Variants in FAM83B observed in about 807,000 individuals in gnomAD.
The protein encoded by FAM83B is protein FAM83B.
FAM83B carries 26 observed loss-of-function variants against 38.8 expected under a neutral mutation model. That is an observed-to-expected ratio of 0.67 (90% CI 0.49 to 0.93). FAM83B has a LOEUF of 0.93. Among genes scored for constraint, FAM83B ranks in the 40% least tolerant of loss-of-function variants. The pLI is 0.00. For synonymous variants in FAM83B, 419 were observed against 423.1 expected, an observed-to-expected ratio of 0.99 and a Z score of 0.12; for missense variants, 1,237 against 1,197.3, an observed-to-expected ratio of 1.03 and a Z score of -0.49.
At chr6:54,919,423 A>C (rs1445153594) in intron 2 of FAM83B, among the ~76,000 whole-genome samples, 2 of 152,048 alleles carry the variant, frequency 1.3e-5, no homozygotes, top group Non-Finnish European at 2.9e-5. Flanking sequence ...TCATTTTATA[A>C]ATTAATTTTG....
chr6:54,873,430 A>G (rs1373921947), intron 2 of FAM83B, among the ~76,000 whole-genome samples: 1 of 152,192 alleles, frequency 6.6e-6, no homozygotes, highest in African/African-American at 2.4e-5. Flanking sequence ...AATATGAAAT[A>G]AAAGCTTACC....
chr6:54,889,852 T>A (rs901250161), intron 2 of FAM83B, among the ~76,000 whole-genome samples: 1 of 152,126 alleles, frequency 6.6e-6, no homozygotes, highest in Non-Finnish European at 1.5e-5. Flanking sequence ...AGAGTTTAAG[T>A]ACTCATGGCT....
chr6:54,852,691 T>G lies in FAM83B; in HGVS notation c.-61+5865T>G, dbSNP rs78764630. ...AGGCTAAAAGCTAAATCTCTTGTAC[T>G]AGACAATTATCCAAATTGTGAAAGC... On this transcript the variant is annotated intron_variant, in intron 1 of 4. Coordinates refer to ENST00000306858, the MANE Select transcript of FAM83B (RefSeq NM_001010872.3). Among the ~76,000 whole-genome samples, 360 of 152,328 alleles carry G rather than the reference T, an allele frequency of 2.4e-3. 6 individuals are homozygous for G. The East Asian group carries it at 0.057, about 24-fold the overall frequency.
At chr6:54,882,676 T>A (rs1315468471) in intron 2 of FAM83B, among the ~76,000 whole-genome samples, 1 of 152,192 alleles carries the variant, frequency 6.6e-6, no homozygotes, top group Non-Finnish European at 1.5e-5. Context: ...GAGTATATGA[T>A]GAGGCTTTGT....
intron 1 of FAM83B, among the ~76,000 whole-genome samples, chr6:54,861,987 A>G (rs192282249): frequency 7.6e-4 from 116 of 152,246 alleles, no homozygotes; most frequent in African/African-American, 2.7e-3. Flanking sequence ...AGAGTCTTGG[A>G]AAGTTTCTTA....
chr6:54,894,587 G>A lies in FAM83B; in HGVS notation c.444+23897G>A, dbSNP rs114614751. The stretch of plus-strand genomic sequence containing the variant: ...AATTAAGAATCTATGCCATCTTAGG[G>A]AACCTAAGAAGTAGAACTCCACAGG... On this transcript the variant is annotated intron_variant, in intron 2 of 4. Coordinates refer to ENST00000306858, the MANE Select transcript of FAM83B (RefSeq NM_001010872.3). Among the ~76,000 whole-genome samples, 467 of 152,260 alleles carry A rather than the reference G, an allele frequency of 3.1e-3. 4 individuals carry two copies. The highest frequency in any genetic ancestry group is 0.011 in the African/African-American group (446 of 41,538).
At chr6:54,893,352 A>G (rs145144894) in intron 2 of FAM83B, among the ~76,000 whole-genome samples, 1 of 152,062 alleles carries the variant, frequency 6.6e-6, no homozygotes, top group Admixed American at 6.6e-5. Context: ...GTCTATTCAT[A>G]TTGTGGTTAT....
chr6:54,876,854 C>T (rs1399162431), intron 2 of FAM83B, among the ~76,000 whole-genome samples: 2 of 152,072 alleles, frequency 1.3e-5, no homozygotes, highest in Non-Finnish European at 2.9e-5. Flanking sequence ...TTGGGGATCT[C>T]TGAAGTAGAA....
intron 2 of FAM83B, among the ~76,000 whole-genome samples, chr6:54,878,750 T>C (rs1772056564): frequency 6.6e-6 from 1 of 152,118 alleles, no homozygotes; most frequent in Non-Finnish European, 1.5e-5. Context: ...AGGAGAATTT[T>C]GAGCAAAAGA....
chr6:54,885,676 T>TTGCTATACAAAACCATCATTCTCAG (rs1772257463), intron 2 of FAM83B, among the ~76,000 whole-genome samples: 2 of 152,082 alleles, frequency 1.3e-5, no homozygotes, highest in African/African-American at 4.8e-5. Flanking sequence ...TAAACAATAC[T>TTGCTATACAAAACCATCATTCTCAG]TGCTATACAA....
intron 2 of FAM83B, among the ~76,000 whole-genome samples, chr6:54,924,401 A>G (rs1236785109): frequency 6.6e-6 from 1 of 150,516 alleles, no homozygotes; most frequent in African/African-American, 2.5e-5. Context: ...TATTGTAGCC[A>G]AATTACACAA....
chr6:54,891,359 T>C (rs1772397729), intron 2 of FAM83B, among the ~76,000 whole-genome samples: 1 of 152,096 alleles, frequency 6.6e-6, no homozygotes, highest in African/African-American at 2.4e-5. Context: ...TTGGTTTCTG[T>C]GTTATTTCTC....
At chr6:54,881,669 T>C (rs1002458359) in intron 2 of FAM83B, among the ~76,000 whole-genome samples, 1 of 152,188 alleles carries the variant, frequency 6.6e-6, no homozygotes, top group Non-Finnish European at 1.5e-5. Flanking sequence ...TTTTTACAAT[T>C]GGGCAATGAG....
intron 1 of FAM83B, among the ~76,000 whole-genome samples, chr6:54,852,150 C>T (rs1197471186): frequency 6.6e-6 from 1 of 152,184 alleles, no homozygotes; most frequent in Non-Finnish European, 1.5e-5. Flanking sequence ...TTCTAAAAAT[C>T]TGTACAAGTA....
intron 2 of FAM83B, among the ~76,000 whole-genome samples, chr6:54,922,535 A>G (rs1456865517): frequency 6.6e-6 from 1 of 152,044 alleles, no homozygotes; most frequent in Non-Finnish European, 1.5e-5. Context: ...TATGAAAAGT[A>G]TTCTCAAACA....
intron 2 of FAM83B, among the ~76,000 whole-genome samples, chr6:54,882,724 G>T (rs2127578197): frequency 6.6e-6 from 1 of 152,178 alleles, no homozygotes; most frequent in East Asian, 1.9e-4. Context: ...TTCCACTCCA[G>T]GGCTACTGGA....
Position 54,941,975 on chromosome 6 carries a change from A to C in FAM83B, c.3004A>C (p.Lys1002Gln). The change falls in exon 5 of 5, where the codon AAG (lysine) becomes CAG (glutamine). Residue 1002 changes from lysine to glutamine, a missense_variant. Physicochemically the swap from Lys to Gln is moderately conservative, Grantham distance 53. Transcript: ENST00000306858. ...GAACAAGTTTCGAGGATTTATGCAA[A>C]AGTTTGGAAACTTTATACACAAAAA... ...NENKFRGFMQ[K>Q]FGNFIHKNK 6.2e-7 allele frequency: 1 copy of C among 1,605,630 alleles called. No homozygotes were observed. The highest frequency in any genetic ancestry group is 8.5e-7 in the Non-Finnish European group (1 of 1,176,808).
chr6:54,906,288 A>G (rs1772774985), intron 2 of FAM83B, among the ~76,000 whole-genome samples: 2 of 152,310 alleles, frequency 1.3e-5, no homozygotes, highest in Admixed American at 1.3e-4. Flanking sequence ...TATAGTTAAC[A>G]TACATGAAAT....
intron 4 of FAM83B, among the ~76,000 whole-genome samples, chr6:54,929,409 C>T (rs1040622472): frequency 2.6e-5 from 4 of 152,076 alleles, no homozygotes; most frequent in African/African-American, 7.2e-5. Context: ...TGGAGAGGCC[C>T]AGAATCTGTA....
Sources: gnomAD v4.1 joint callset for allele counts (sites outside exome capture counted in the v4.1 genomes callset) on GRCh38, gnomAD v4.1.1 for gene constraint, MANE v1.5 for transcripts, NCBI Gene and HGNC (gene_info 2026-07-23, HGNC 2026-07-21) for gene names.